Variants in CABIN1 observed in about 807,000 individuals in gnomAD.
CABIN1 encodes calcineurin binding protein 1, also known as calcineurin-binding protein cabin-1.
Under a neutral mutation model 227.7 loss-of-function variants are expected in CABIN1, and 133 were observed. That is an observed-to-expected ratio of 0.58 (90% CI 0.51 to 0.67). The LOEUF (loss-of-function observed/expected upper bound fraction) is 0.67. CABIN1 is among the 30% of genes least tolerant of loss of function. The pLI is 0.00. For synonymous variants in CABIN1, 1,086 were observed against 1,155.1 expected, an observed-to-expected ratio of 0.94 and a Z score of 1.21; for missense variants, 2,408 against 2,852.5, an observed-to-expected ratio of 0.84 and a Z score of 3.55.
chr22:24,121,373 C>A (rs1049611985), intron 28 of CABIN1, among the ~76,000 whole-genome samples: 1 of 152,240 alleles, frequency 6.6e-6, no homozygotes, highest in African/African-American at 2.4e-5. Context: ...CAGGGCACAG[C>A]AGGTGACACA....
intron 29 of CABIN1, among the ~76,000 whole-genome samples, chr22:24,145,683 C>T (rs2045068584): frequency 1.3e-5 from 2 of 152,188 alleles, no homozygotes. Flanking sequence ...TATGTCTGTC[C>T]TCCAATGGAC....
chr22:24,112,523 T>G (rs2042863837), intron 26 of CABIN1, among the ~76,000 whole-genome samples: 1 of 152,148 alleles, frequency 6.6e-6, no homozygotes, highest in South Asian at 2.1e-4. Flanking sequence ...TACTCCTCCA[T>G]GTTCTTGCCT....
intron 1 of CABIN1, among the ~76,000 whole-genome samples, chr22:24,034,332 C>T (rs1052087507): frequency 2.6e-5 from 4 of 152,240 alleles, no homozygotes; most frequent in Non-Finnish European, 4.4e-5. Flanking sequence ...CTGGACATTT[C>T]ATATAATTGG....
intron 1 of CABIN1, among the ~76,000 whole-genome samples, chr22:24,023,124 G>A (rs924971595): frequency 1.1e-4 from 17 of 152,072 alleles, no homozygotes; most frequent in Non-Finnish European, 2.2e-4. Flanking sequence ...CAGTCTCTAG[G>A]TACCTTGTAT....
At chr22:24,145,943 T>C (rs1249325004) in intron 29 of CABIN1, among the ~76,000 whole-genome samples, 5 of 152,232 alleles carry the variant, frequency 3.3e-5, no homozygotes, top group African/African-American at 9.6e-5. Flanking sequence ...CATCCCACCC[T>C]GGCTGGTGAG....
chr22:24,014,956 C>T (rs544413617), intron 1 of CABIN1, among the ~76,000 whole-genome samples: 1 of 152,072 alleles, frequency 6.6e-6, no homozygotes, highest in South Asian at 2.1e-4. Flanking sequence ...ATTGTGTTTG[C>T]TTTTTTCACT....
intron 18 of CABIN1, 147 bp from the exon 19 acceptor site, chr22:24,076,020 CAA>C (rs71226739): frequency 0.078 from 37,035 of 471,912 alleles, no homozygotes; most frequent in East Asian, 0.087. Flanking sequence ...TTTAAAAAGG[CAA>C]AAAAAAAAAA....
chr22:24,112,857 G>T (rs759942436), intron 26 of CABIN1, among the ~76,000 whole-genome samples: 3 of 152,106 alleles, frequency 2.0e-5, no homozygotes, highest in Admixed American at 2.0e-4. Flanking sequence ...GAAGGCTTCT[G>T]TTCCTCCAGG....
intron 28 of CABIN1, among the ~76,000 whole-genome samples, chr22:24,129,477 T>C (rs1467026106): frequency 6.6e-6 from 1 of 152,232 alleles, no homozygotes; most frequent in Non-Finnish European, 1.5e-5. Flanking sequence ...TCACGCCCCA[T>C]GGCTGTTGCC....
At chr22:24,042,449 T>A (rs1327151252) in intron 5 of CABIN1, among the ~76,000 whole-genome samples, 1 of 152,154 alleles carries the variant, frequency 6.6e-6, no homozygotes, top group Non-Finnish European at 1.5e-5. Flanking sequence ...GGTGTGGTGA[T>A]GTGCCTCTGT....
chr22:24,140,542 G>A (rs1204555650), intron 29 of CABIN1, among the ~76,000 whole-genome samples: 2 of 152,210 alleles, frequency 1.3e-5, no homozygotes, highest in African/African-American at 4.8e-5. Context: ...GCCTGCATGG[G>A]CCAGAGCCAG....
chr22:24,088,635 C>G (rs2041337458), intron 23 of CABIN1, among the ~76,000 whole-genome samples: 1 of 151,918 alleles, frequency 6.6e-6, no homozygotes, highest in Admixed American at 6.6e-5. Context: ...TTAAATCTTA[C>G]AAGGGACACA....
intron 29 of CABIN1, among the ~76,000 whole-genome samples, chr22:24,143,217 G>T (rs2044882450): frequency 6.6e-6 from 1 of 152,182 alleles, no homozygotes; most frequent in African/African-American, 2.4e-5. Context: ...GGGCCCCCTG[G>T]TTCCTACACC....
chr22:24,146,513 C>T (rs5760220), intron 29 of CABIN1, among the ~76,000 whole-genome samples: 7,838 of 152,156 alleles, frequency 0.052, 290 homozygotes, highest in South Asian at 0.11. Context: ...GTGCTTCCTG[C>T]CTGAGAAGCT....
intron 29 of CABIN1, among the ~76,000 whole-genome samples, chr22:24,156,306 C>T (rs545841852): frequency 3.9e-4 from 60 of 152,158 alleles, no homozygotes; most frequent in Admixed American, 2.6e-3. Flanking sequence ...GGAAATCGGC[C>T]GGCGGCGGGG....
chr22:24,093,014 C>T (rs1206878528), intron 24 of CABIN1, among the ~76,000 whole-genome samples: 1 of 152,130 alleles, frequency 6.6e-6, no homozygotes, highest in African/African-American at 2.4e-5. Context: ...GTTTGGTTTC[C>T]TCTCCACTTC....
At chr22:24,059,533 C>T (rs2039039343) in intron 11 of CABIN1, among the ~76,000 whole-genome samples, 170 bp downstream of exon 11, 1 of 152,238 alleles carries the variant, frequency 6.6e-6, no homozygotes, top group Non-Finnish European at 1.5e-5. Context: ...TGGAGGTCTT[C>T]TGAAATGTCC....
At chr22:24,144,269 G>C (rs184433960) in intron 29 of CABIN1, among the ~76,000 whole-genome samples, 1 of 152,326 alleles carries the variant, frequency 6.6e-6, no homozygotes, top group East Asian at 1.9e-4. Flanking sequence ...ACATGTGATG[G>C]GGAGGGACAG....
rs1199374158 is a variant in CABIN1, at chr22:24,054,415, A to G, written c.807-458A>G. 3.3e-5 allele frequency among the ~76,000 whole-genome samples: 5 copies of G among 152,202 alleles called. No homozygotes were observed. In the South Asian group the frequency reaches 1.0e-3, roughly 32 times the overall value. On this transcript the variant is annotated intron_variant, in intron 8 of 36. Transcript: ENST00000263119. ...GTGCTGCTCCCCATAGGCCCTGCCC[A>G]TGGTCCAAGTTCTTATAGACCATGT...
Sources: gnomAD v4.1 joint callset for allele counts (sites outside exome capture counted in the v4.1 genomes callset) on GRCh38, gnomAD v4.1.1 for gene constraint, MANE v1.5 for transcripts, NCBI Gene and HGNC (gene_info 2026-07-23, HGNC 2026-07-21) for gene names.